Variants in RBFOX2 observed in about 807,000 individuals in gnomAD.
The protein encoded by RBFOX2 is RNA binding fox-1 homolog 2.
In RBFOX2, 10 loss-of-function variants were observed where a neutral mutation model predicts 49.1. The observed-to-expected ratio is 0.20, with a 90% confidence interval of 0.13 to 0.35. The LOEUF is 0.35. Ranked by LOEUF, RBFOX2 falls within the 10% of genes least tolerant of loss-of-function variation. RBFOX2 has a pLI of 1.00. For synonymous variants in RBFOX2, 183 were observed against 187.4 expected, an observed-to-expected ratio of 0.98 and a Z score of 0.19; for missense variants, 323 against 486.9, an observed-to-expected ratio of 0.66 and a Z score of 3.17.
chr22:35,975,863 G>A (rs1380437273), intron 1 of RBFOX2, among the ~76,000 whole-genome samples: 2 of 152,102 alleles, frequency 1.3e-5, no homozygotes, highest in Non-Finnish European at 2.9e-5. Context: ...TTCCAGACTT[G>A]TTACTGTTAT....
intron 1 of RBFOX2, among the ~76,000 whole-genome samples, chr22:35,894,435 G>C (rs953663180): frequency 4.6e-5 from 7 of 152,066 alleles, no homozygotes; most frequent in Admixed American, 2.0e-4. Context: ...CTAAAGACAT[G>C]GCTTAACAAG....
chr22:35,840,256 C>T (rs758161006), exon 1 of RBFOX2: 1 of 1,614,128 alleles, frequency 6.2e-7, no homozygotes, highest in Non-Finnish European at 8.5e-7. Flanking sequence ...TCAAAGCAGC[C>T]GTGCTGGGGC....
chr22:35,910,657 G>A (rs2049706925), intron 1 of RBFOX2, among the ~76,000 whole-genome samples: 1 of 152,144 alleles, frequency 6.6e-6, no homozygotes, highest in African/African-American at 2.4e-5. Context: ...AGAATTAGAA[G>A]TACTCCCACT....
intron 1 of RBFOX2, among the ~76,000 whole-genome samples, chr22:35,984,150 T>C (rs1476524167): frequency 1.3e-5 from 2 of 152,162 alleles, no homozygotes; most frequent in Admixed American, 6.5e-5. Flanking sequence ...CCTAGGCCAA[T>C]GGTTCTCAAC....
intron 1 of RBFOX2, chr22:35,993,100 A>C (rs1297924675): frequency 6.8e-6 from 1 of 146,436 alleles, no homozygotes; most frequent in Non-Finnish European, 1.5e-5. Flanking sequence ...ACTAAGGAAC[A>C]CATAAGACAG....
chr22:35,857,770 T>C (rs770695747), intron 1 of RBFOX2, among the ~76,000 whole-genome samples: 2 of 152,146 alleles, frequency 1.3e-5, no homozygotes, highest in Non-Finnish European at 2.9e-5. Flanking sequence ...CACAGACAGA[T>C]AGAAGGCAAA....
chr22:35,932,849 C>T (rs1349591474), intron 1 of RBFOX2, among the ~76,000 whole-genome samples: 2 of 152,172 alleles, frequency 1.3e-5, no homozygotes, highest in African/African-American at 4.8e-5. Context: ...CCACTTCATT[C>T]CAGCCTGGGC....
At chr22:35,781,547 G>A (rs1461466490) in intron 3 of RBFOX2, 53 bp downstream of exon 4, 2 of 1,576,794 alleles carry the variant, frequency 1.3e-6, no homozygotes. Flanking sequence ...CACATCTGGG[G>A]GATTAAAATC....
At chr22:35,874,917 T>C (rs1569439748) in intron 1 of RBFOX2, among the ~76,000 whole-genome samples, 1 of 152,040 alleles carries the variant, frequency 6.6e-6, no homozygotes, top group African/African-American at 2.4e-5. Context: ...AGGAAATAAT[T>C]AATGTTAAGT....
At chr22:35,798,069 G>A (rs1404456144) in intron 2 of RBFOX2, among the ~76,000 whole-genome samples, 1 of 152,098 alleles carries the variant, frequency 6.6e-6, no homozygotes, top group East Asian at 1.9e-4. Flanking sequence ...TCTGCCTCCC[G>A]AGTTTAAGCG....
chr22:35,874,885 G>T (rs1352428318), intron 1 of RBFOX2, among the ~76,000 whole-genome samples: 1 of 152,170 alleles, frequency 6.6e-6, no homozygotes, highest in East Asian at 1.9e-4. Context: ...CCCTGTACCT[G>T]TATTAGGAGA....
chr22:36,026,537 T>TACAC (rs1556557809), intron 1 of RBFOX2, among the ~76,000 whole-genome samples: 2 of 135,476 alleles, frequency 1.5e-5, no homozygotes, highest in African/African-American at 3.2e-5. Context: ...GATAAATGAA[T>TACAC]ACATACACAC....
intron 1 of RBFOX2, among the ~76,000 whole-genome samples, chr22:35,980,899 G>C (rs1404278655): frequency 6.6e-6 from 1 of 152,130 alleles, no homozygotes; most frequent in African/African-American, 2.4e-5. Flanking sequence ...GGAGCAACCT[G>C]ACTTTGCACG....
chr22:35,797,388 T>C (rs12485147), intron 2 of RBFOX2, among the ~76,000 whole-genome samples: 1 of 152,222 alleles, frequency 6.6e-6, no homozygotes, highest in Non-Finnish European at 1.5e-5. Flanking sequence ...GTACTTTTCC[T>C]TGAAACAATG....
intron 1 of RBFOX2, among the ~76,000 whole-genome samples, chr22:35,875,607 G>GGTGTGTGTGTGTGTGTGT (rs56137825): frequency 8.5e-6 from 1 of 117,670 alleles, no homozygotes; most frequent in African/African-American, 3.3e-5. Context: ...TGCTCACAAG[G>GGTGTGTGTGTGTGTGTGT]GTGTGTGTGT....
chr22:36,013,357 T>A (rs1050973570), intron 1 of RBFOX2, among the ~76,000 whole-genome samples: 6 of 152,210 alleles, frequency 3.9e-5, no homozygotes, highest in African/African-American at 1.4e-4. Flanking sequence ...GTAATAATAA[T>A]AAAAATGGCT....
intron 1 of RBFOX2, among the ~76,000 whole-genome samples, chr22:35,816,593 T>C (rs759498611): frequency 1.3e-5 from 2 of 152,232 alleles, no homozygotes; most frequent in Non-Finnish European, 2.9e-5. Context: ...AATCTCCATG[T>C]AGTCTCCAAA....
chr22:35,915,165 G>C (rs1323514988), intron 1 of RBFOX2, among the ~76,000 whole-genome samples: 1 of 152,276 alleles, frequency 6.6e-6, no homozygotes, highest in South Asian at 2.1e-4. Context: ...CCTCCTTTAA[G>C]AGCAGCCCCA....
At chr22:35,810,092 T>A in intron 1 of RBFOX2, 88 bp from the exon 3 acceptor site, 2 of 1,323,490 alleles carry the variant, frequency 1.5e-6, no homozygotes, top group Non-Finnish European at 2.1e-6. Context: ...ATTCTCTGAA[T>A]ATTCTCTCAC....
Sources: allele counts gnomAD v4.1 joint callset (sites outside exome capture counted in the v4.1 genomes callset), GRCh38; gene constraint gnomAD v4.1.1; transcripts MANE v1.5; gene names NCBI Gene and HGNC (gene_info 2026-07-23, HGNC 2026-07-21).